TBC1D22A: variants seen among roughly 807,000 people sequenced by gnomAD.
TBC1D22A encodes putative GTPase activator.
TBC1D22A carries 38 observed loss-of-function variants against 60.2 expected under a neutral mutation model. The observed-to-expected ratio is 0.63, with a 90% CI of 0.49 to 0.83. TBC1D22A has a LOEUF of 0.83. TBC1D22A is among the 40% of genes least tolerant of loss of function. The pLI is 0.00. For synonymous variants in TBC1D22A, 302 were observed against 281.7 expected, an observed-to-expected ratio of 1.07 and a Z score of -0.72; for missense variants, 628 against 701.0, an observed-to-expected ratio of 0.90 and a Z score of 1.18.
chr22:47,143,068 C>A (rs1012050952), intron 12 of TBC1D22A, among the ~76,000 whole-genome samples: 1 of 151,956 alleles, frequency 6.6e-6, no homozygotes, highest in Non-Finnish European at 1.5e-5. Flanking sequence ...CCACCCAACT[C>A]CCCAGAGGAA....
At position 46,941,334 on chromosome 22, in the gene TBC1D22A, AATAT is replaced by A. The variant is rs376952972; in HGVS notation, c.1015+29158_1015+29161del. ...AACAGCATGGGGACTGGGGCACTACAATATATATATATATAGAATATATATACAG... is the reference window on the plus strand; with the variant it reads ...AACAGCATGGGGACTGGGGCACTACAATATATATATAGAATATATATACAG... On this transcript the variant is annotated intron_variant, in intron 8 of 12. Transcript: ENST00000337137. 2.7e-3 allele frequency among the ~76,000 whole-genome samples: 388 copies of A among 143,076 alleles called. 16 individuals are homozygous for A. Among genetic ancestry groups the A allele is most frequent in the African/African-American group, 0.01 (364 of 35,812 alleles). 93.9% of individuals were successfully genotyped at this position (143,076 alleles called of 152,430 possible).
intron 9 of TBC1D22A, among the ~76,000 whole-genome samples, chr22:46,995,721 C>T (rs2075100618): frequency 6.6e-6 from 1 of 152,092 alleles, no homozygotes; most frequent in African/African-American, 2.4e-5. Context: ...AGGGCTGACA[C>T]CCTTGCTGTG....
At chr22:47,120,058 C>T (rs1424697127) in intron 12 of TBC1D22A, among the ~76,000 whole-genome samples, 2 of 152,142 alleles carry the variant, frequency 1.3e-5, no homozygotes, top group African/African-American at 4.8e-5. Flanking sequence ...TAGCCATGCT[C>T]CTGGATGCCA....
rs117257468 is a variant in TBC1D22A at position 47,165,816 on chromosome 22, C to T, written c.1426-7682C>T. On this transcript the variant is annotated intron_variant, in intron 12 of 12. Transcript: ENST00000337137. ...CCCAGGTGGCATCAGGGCCTCCCCA[C>T]TGCAGACAGCTGGCACTCCACAGCA... 4.8e-4 allele frequency among the ~76,000 whole-genome samples: 73 copies of T among 152,296 alleles called. No individual in the cohort carries two copies. The East Asian group carries it at 0.013, about 28-fold the overall frequency.
intron 12 of TBC1D22A, among the ~76,000 whole-genome samples, chr22:47,162,963 C>T (rs1202831360): frequency 2.0e-5 from 3 of 152,248 alleles, no homozygotes; most frequent in African/African-American, 7.2e-5. Context: ...ACCATGCCCA[C>T]GCCCAATCTG....
chr22:46,978,806 A>G (rs1176117041), intron 9 of TBC1D22A, among the ~76,000 whole-genome samples: 1 of 151,990 alleles, frequency 6.6e-6, no homozygotes. Flanking sequence ...ACAGGGTTTC[A>G]CTGTGTTGGC....
chr22:46,975,987 G>A (rs2074279293), intron 9 of TBC1D22A, among the ~76,000 whole-genome samples: 1 of 152,166 alleles, frequency 6.6e-6, no homozygotes, highest in South Asian at 2.1e-4. Context: ...GCACCAATTT[G>A]TCATTTCCCC....
intron 1 of TBC1D22A, among the ~76,000 whole-genome samples, chr22:46,769,910 G>T (rs920862773): frequency 1.3e-5 from 2 of 152,114 alleles, no homozygotes; most frequent in African/African-American, 4.8e-5. Context: ...GATGGGCGGG[G>T]TGCTGGGGGT....
At chr22:46,906,528 G>C (rs768680360) in intron 7 of TBC1D22A, among the ~76,000 whole-genome samples, 1 of 152,240 alleles carries the variant, frequency 6.6e-6, no homozygotes, top group Non-Finnish European at 1.5e-5. Context: ...CAGAGACTCT[G>C]CGCTGATGGC....
chr22:47,022,158 C>T (rs1029623253), intron 10 of TBC1D22A, among the ~76,000 whole-genome samples: 6 of 152,226 alleles, frequency 3.9e-5, no homozygotes, highest in African/African-American at 1.4e-4. Context: ...TGTTAATGAT[C>T]TCCAAACAAA....
At chr22:47,041,806 A>T (rs957551222) in intron 11 of TBC1D22A, among the ~76,000 whole-genome samples, 3 of 152,172 alleles carry the variant, frequency 2.0e-5, no homozygotes, top group African/African-American at 4.8e-5. Context: ...GGCCATATGG[A>T]CTTTTTCACA....
At chr22:47,033,780 T>C (rs964671645) in intron 10 of TBC1D22A, among the ~76,000 whole-genome samples, 1 of 152,116 alleles carries the variant, frequency 6.6e-6, no homozygotes, top group Non-Finnish European at 1.5e-5. Context: ...GCCTGCGTGG[T>C]AGCATGGGTG....
At chr22:46,903,264 A>G (rs2069141720) in intron 7 of TBC1D22A, among the ~76,000 whole-genome samples, 1 of 152,140 alleles carries the variant, frequency 6.6e-6, no homozygotes, top group Admixed American at 6.5e-5. Flanking sequence ...CCCAGGCTGC[A>G]GGCGAAGGGG....
intron 11 of TBC1D22A, among the ~76,000 whole-genome samples, chr22:47,062,108 AGACAATGT>A (rs1473762509): frequency 6.6e-6 from 1 of 150,842 alleles, no homozygotes; most frequent in Non-Finnish European, 1.5e-5. Context: ...AAAAAAAAAA[AGACAATGT>A]GACAATGTCA....
intron 1 of TBC1D22A, among the ~76,000 whole-genome samples, chr22:46,769,481 G>A (rs967930260): frequency 6.6e-5 from 10 of 152,240 alleles, no homozygotes; most frequent in Admixed American, 6.5e-5. Flanking sequence ...GCAGTCCCGG[G>A]ACCCTGGCAG....
At chr22:46,973,688 G>A (rs189472382) in intron 8 of TBC1D22A, among the ~76,000 whole-genome samples, 1 of 152,156 alleles carries the variant, frequency 6.6e-6, no homozygotes, top group Admixed American at 6.5e-5. Context: ...ATTTCAATTA[G>A]GCATCTGTTT....
chr22:46,879,488 CTT>C (rs1443414036), intron 5 of TBC1D22A, among the ~76,000 whole-genome samples: 4 of 152,124 alleles, frequency 2.6e-5, no homozygotes, highest in African/African-American at 9.7e-5. Context: ...CTGGGTCTGA[CTT>C]TTAGTATTTA....
intron 10 of TBC1D22A, among the ~76,000 whole-genome samples, chr22:47,019,625 A>C (rs1008011571): frequency 5.3e-5 from 8 of 151,762 alleles, no homozygotes; most frequent in Non-Finnish European, 8.8e-5. Flanking sequence ...AGGGGTAGTG[A>C]TATGGGGCAT....
intron 9 of TBC1D22A, among the ~76,000 whole-genome samples, chr22:46,992,032 C>A (rs1168786313): frequency 2.0e-5 from 3 of 152,180 alleles, no homozygotes; most frequent in Non-Finnish European, 1.5e-5. Flanking sequence ...ACTTGCCTGG[C>A]GAGTGATGAA....
Sources: gnomAD v4.1 joint callset for allele counts (sites outside exome capture counted in the v4.1 genomes callset) on GRCh38, gnomAD v4.1.1 for gene constraint, MANE v1.5 for transcripts, NCBI Gene and HGNC (gene_info 2026-07-23, HGNC 2026-07-21) for gene names.